The following PCP2 variants were observed in gnomAD, a reference collection of about 807,000 sequenced individuals.
PCP2 encodes Purkinje cell protein 2, also known as Purkinje cell protein 2 homolog.
PCP2 carries 21 observed loss-of-function variants against 18.3 expected under a neutral mutation model. The observed-to-expected ratio is 1.14, with a 90% confidence interval of 0.81 to 1.65. The LOEUF (loss-of-function observed/expected upper bound fraction) is 1.65. Ranked by LOEUF, PCP2 falls within the 40% of genes most tolerant of loss-of-function variation. The probability of loss-of-function intolerance (pLI) is 0.00; values close to 1 mark genes in which losing one functional copy is unlikely to be tolerated. For missense variants in PCP2, 202 were observed against 201.8 expected, an observed-to-expected ratio of 1.00 and a Z score of 0.00; for synonymous variants, 85 against 77.6, an observed-to-expected ratio of 1.10 and a Z score of -0.50.
chr19:7,635,148 C>T (rs1228238290), upstream of PCP2, among the ~76,000 whole-genome samples: 1 of 152,172 alleles, frequency 6.6e-6, no homozygotes, highest in Non-Finnish European at 1.5e-5. Flanking sequence ...CTCTCTGTCC[C>T]CCCAAGGGGT....
Position 7,631,822 on chromosome 19 carries a change from G to T in PCP2, c.292-14C>A. The T allele has an allele frequency of 7.2e-7, 1 of 1,387,284 alleles. No individual in the cohort carries two copies. Among genetic ancestry groups the T allele is most frequent in the Middle Eastern group, 2.1e-4 (1 of 4,846 alleles). The allele number at this position is 1,387,284 out of a possible 1,614,324, so 85.9% of individuals were successfully genotyped here. ...CTGTGCTCCGTCCTGTGGATGAAGA[G>T]GGGTCAGCCAGGGGGAGGGCTCAAG... On this transcript the variant is annotated splice_polypyrimidine_tract_variant and intron_variant, in intron 3 of 3. Coordinates refer to ENST00000311069, the MANE Select transcript of PCP2 (RefSeq NM_174895.3).
At chr19:7,631,896 C>A in intron 3 of PCP2, 88 bp from the exon 4 acceptor site, 1 of 1,207,716 alleles carries the variant, frequency 8.3e-7, no homozygotes, top group Non-Finnish European at 1.1e-6. Flanking sequence ...GTGCAGGTAG[C>A]CACCGTGTCC....
At position 7,632,563 on chromosome 19, in the gene PCP2, G is replaced by A. The variant is rs752473935; in HGVS notation, c.167-46C>T. ...TTGGGAGGACACAGCCGGAGTGGGG[G>A]CCCCCAACCCTACCCCTTCACCCCC... On this transcript the variant is annotated intron_variant, in intron 2 of 3. Coordinates refer to ENST00000311069, the MANE Select transcript of PCP2 (RefSeq NM_174895.3). This position sits in a 1 kb window ranked among gnomAD's most constrained non-coding sequence, Gnocchi z 5.2. 2 of 1,605,530 alleles carry A rather than the reference G, an allele frequency of 1.2e-6. No homozygotes were observed. Among genetic ancestry groups the A allele is most frequent in the Admixed American group, 1.7e-5 (1 of 59,902 alleles).
Position 7,631,706 on chromosome 19 carries a change from G to T in PCP2, c.394C>A (p.Pro132Thr). The change falls in exon 4 of 4, where the codon CCG becomes ACG. Residue 132 changes from proline (P) to threonine (T), a missense_variant. Physicochemically the swap from Pro to Thr is conservative, Grantham distance 38. Coordinates refer to ENST00000311069, the MANE Select transcript of PCP2 (RefSeq NM_174895.3). ...TCAGGCCCTCAGGGGGCTTGTGTCG[G>T]GGGCTGGGGGCTGCTGTTCCGACGG... The part of the protein sequence containing the change: ...GFRRNSSPQP[P>T]TQAP The T allele has an allele frequency of 6.9e-7, 1 of 1,452,740 alleles. No homozygotes were observed. The allele number at this position is 1,452,740 out of a possible 1,614,324, so 90.0% of individuals were successfully genotyped here.
chr19:7,632,330 A>G lies in PCP2; in HGVS notation c.291+63T>C. The G allele has an allele frequency of 1.3e-6, 2 of 1,597,916 alleles. No homozygotes were observed. Among genetic ancestry groups the G allele is most frequent in the Non-Finnish European group, 1.7e-6 (2 of 1,172,278 alleles). ...CCCTGTTCCCTCCTGGCTGGGGTGG[A>G]GGGCAGGATCGGAGAGCACTGCCTG... On this transcript the variant is annotated intron_variant, in intron 3 of 3. Coordinates refer to ENST00000311069, the MANE Select transcript of PCP2 (RefSeq NM_174895.3). The surrounding 1 kb of genome is among the most constrained non-coding windows in gnomAD (Gnocchi z 5.2).
chr19:7,635,559 G>A (rs2031494202), upstream of PCP2, among the ~76,000 whole-genome samples: 1 of 152,150 alleles, frequency 6.6e-6, no homozygotes, highest in Admixed American at 6.6e-5. Flanking sequence ...AACCGGGCAC[G>A]GTGGCGTGCA....
rs1359245755 is a variant in PCP2, at chr19:7,633,468, T to C, written c.-11A>G. 9 of 1,572,310 alleles carry C rather than the reference T, an allele frequency of 5.7e-6. No individual in the cohort carries two copies. The highest frequency in any genetic ancestry group is 2.3e-5 in the East Asian group (1 of 43,292). ...CTCCTGATCCATCATGTCCCTGGAC[T>C]CCAGTCACTTTTCTGCTGGCCTCTG... On this transcript the variant is annotated 5_prime_UTR_variant, in exon 1 of 4. Coordinates refer to ENST00000311069, the MANE Select transcript of PCP2 (RefSeq NM_174895.3).
At chr19:7,635,422 C>T (rs991221460), upstream of PCP2, among the ~76,000 whole-genome samples, 4 of 152,184 alleles carry the variant, frequency 2.6e-5, no homozygotes, top group Non-Finnish European at 5.9e-5. Context: ...GGGCAGGGTG[C>T]GGTGGCTCAT....
Position 7,632,535 on chromosome 19 carries a change from G to C in PCP2, c.167-18C>G. 6.2e-7 allele frequency: 1 copy of C among 1,611,448 alleles called. No individual in the cohort carries two copies. The highest frequency in any genetic ancestry group is 2.2e-5 in the East Asian group (1 of 44,854). ...GTCGCTCTCTGCGTGGACGTTCACA[G>C]ACTTGGGAGGACACAGCCGGAGTGG... On this transcript the variant is annotated intron_variant, in intron 2 of 3. Coordinates refer to ENST00000311069, the MANE Select transcript of PCP2 (RefSeq NM_174895.3). The surrounding 1 kb of genome is among the most constrained non-coding windows in gnomAD (Gnocchi z 5.2).
chr19:7,635,219 G>A (rs1265145416), upstream of PCP2, among the ~76,000 whole-genome samples: 5 of 152,114 alleles, frequency 3.3e-5, no homozygotes, highest in East Asian at 3.8e-4. Flanking sequence ...AGGGTTCCCC[G>A]CCTTCCCCTG....
chr19:7,634,611 C>A (rs977518500), upstream of PCP2, among the ~76,000 whole-genome samples: 16 of 152,368 alleles, frequency 1.1e-4, no homozygotes, highest in Middle Eastern at 3.4e-3. Context: ...TTCATGTGAT[C>A]CTCCTGCCTG....
Position 7,633,018 on chromosome 19 carries a change from C to T in PCP2, c.52-188G>A, listed in dbSNP as rs550182399. 53 of 1,431,378 alleles carry T rather than the reference C, an allele frequency of 3.7e-5. No individual in the cohort carries two copies. The East Asian group carries it at 6.8e-4, about 18-fold the overall frequency. 88.7% of individuals were successfully genotyped at this position (1,431,378 alleles called of 1,614,324 possible). ...GAGACATGAGTCTCCTTCCCAATCCCGGCCCCCGCCCCAGGGGCCCTGGCC... is the reference window on the plus strand; with the variant it reads ...GAGACATGAGTCTCCTTCCCAATCCTGGCCCCCGCCCCAGGGGCCCTGGCC... On this transcript the variant is annotated intron_variant, in intron 1 of 3. Transcript: ENST00000311069.
upstream of PCP2, chr19:7,633,731 A>C: frequency 2.0e-6 from 1 of 505,612 alleles, no homozygotes; most frequent in South Asian, 2.7e-5. Context: ...GACCCCAGGG[A>C]CTCTCAGGTG....
At chr19:7,635,949 C>G (rs1021419672), upstream of PCP2, among the ~76,000 whole-genome samples, 4 of 152,144 alleles carry the variant, frequency 2.6e-5, no homozygotes, top group African/African-American at 9.7e-5. Flanking sequence ...CGGGGCTCCT[C>G]CCTTCTCTAC....
chr19:7,636,190 G>C (rs1366162111), upstream of PCP2: 1 of 152,090 alleles, frequency 6.6e-6, no homozygotes, highest in African/African-American at 2.4e-5. Context: ...AAGTGGCAGG[G>C]GGCTTGGTAC....
chr19:7,633,303 C>T (rs1289776245), intron 1 of PCP2, 104 bp downstream of exon 1: 2 of 1,186,902 alleles, frequency 1.7e-6, no homozygotes, highest in Non-Finnish European at 2.4e-6. Context: ...GTCAGGGGGT[C>T]CTAGGAGACT....
Position 7,632,685 on chromosome 19 carries a change from C to T in PCP2, c.166+31G>A. ...CCTGCACTCCCACCCCGTTCACGCCCCATGGACAGCACCCCCGTGCCCATG... is the reference window on the plus strand; with the variant it reads ...CCTGCACTCCCACCCCGTTCACGCCTCATGGACAGCACCCCCGTGCCCATG... On this transcript the variant is annotated intron_variant, in intron 2 of 3. Transcript: ENST00000311069. This position sits in a 1 kb window ranked among gnomAD's most constrained non-coding sequence, Gnocchi z 5.2. 1 of 1,548,800 alleles carries T rather than the reference C, an allele frequency of 6.5e-7. No homozygotes were observed. Among genetic ancestry groups the T allele is most frequent in the Non-Finnish European group, 8.7e-7 (1 of 1,151,826 alleles).
Position 7,632,583 on chromosome 19 carries a change from AC to A in PCP2, c.167-67del. 2 of 1,595,022 alleles carry A rather than the reference AC, an allele frequency of 1.3e-6. No individual in the cohort carries two copies. Among genetic ancestry groups the A allele is most frequent in the South Asian group, 1.1e-5 (1 of 90,396 alleles). ...TGGGGGCCCCCAACCCTACCCCTTC[AC>A]CCCCACACAGATGCTTCAGGGTGCA... is the stretch of plus-strand genomic sequence containing the variant. On this transcript the variant is annotated intron_variant, in intron 2 of 3. Coordinates refer to ENST00000311069, the MANE Select transcript of PCP2 (RefSeq NM_174895.3). This position sits in a 1 kb window ranked among gnomAD's most constrained non-coding sequence, Gnocchi z 5.2.
intron 1 of PCP2, among the ~76,000 whole-genome samples, 178 bp downstream of exon 1, chr19:7,633,229 T>G (rs2031405200): frequency 6.6e-6 from 1 of 152,178 alleles, no homozygotes; most frequent in Admixed American, 6.5e-5. Flanking sequence ...AGCCCTGCCC[T>G]CTGCCCTGGG....
Sources: allele counts gnomAD v4.1 joint callset (sites outside exome capture counted in the v4.1 genomes callset), GRCh38; gene constraint gnomAD v4.1.1; non-coding constraint Gnocchi (gnomAD v3.1); transcripts MANE v1.5; gene names NCBI Gene and HGNC (gene_info 2026-07-23, HGNC 2026-07-21).